Variants in ADAMTS9 observed in about 807,000 individuals in gnomAD.
ADAMTS9 encodes A disintegrin and metalloproteinase with thrombospondin motifs 9.
Under a neutral mutation model 257.1 loss-of-function variants are expected in ADAMTS9, and 107 were observed. That is an observed-to-expected ratio of 0.42 (90% CI 0.36 to 0.49). ADAMTS9 has a LOEUF of 0.49. Among genes scored for constraint, ADAMTS9 ranks in the 20% least tolerant of loss-of-function variants. The pLI is 0.03. For missense variants in ADAMTS9, 2,353 were observed against 2,469.1 expected (o/e 0.95, Z 1.00); for synonymous variants, 982 against 880.9 (o/e 1.11, Z -2.03).
chr3:64,560,154 T>C (rs1415581677), intron 30 of ADAMTS9, among the ~76,000 whole-genome samples: 1 of 152,206 alleles, frequency 6.6e-6, no homozygotes, highest in East Asian at 1.9e-4. Context: ...CAAGAATCCT[T>C]GTTCTAATTC....
intron 28 of ADAMTS9, among the ~76,000 whole-genome samples, chr3:64,570,354 G>C (rs1699239837): frequency 6.6e-6 from 1 of 152,164 alleles, no homozygotes; most frequent in Non-Finnish European, 1.5e-5. Context: ...GGAATGGTTG[G>C]AAGAGGGCTC....
chr3:64,537,847 C>A (rs1235974171), intron 37 of ADAMTS9, among the ~76,000 whole-genome samples: 6 of 152,226 alleles, frequency 3.9e-5, no homozygotes, highest in Non-Finnish European at 8.8e-5. Flanking sequence ...GTTTGTCCTG[C>A]CTTCCAAGGG....
At chr3:64,651,260 T>A (rs1041310017) in intron 8 of ADAMTS9, 97 bp from the exon 9 acceptor site, 3 of 1,074,130 alleles carry the variant, frequency 2.8e-6, no homozygotes, top group African/African-American at 1.7e-5. Flanking sequence ...GAGAAAAAAA[T>A]TTAACTTCAT....
chr3:64,558,771 CAA>C (rs1201956529), intron 30 of ADAMTS9, among the ~76,000 whole-genome samples: 1 of 152,096 alleles, frequency 6.6e-6, no homozygotes, highest in Admixed American at 6.6e-5. Context: ...CTCAAGCAAA[CAA>C]GAGTTCTGAG....
At chr3:64,674,320 G>A (rs1474311270) in intron 3 of ADAMTS9, among the ~76,000 whole-genome samples, 4 of 152,168 alleles carry the variant, frequency 2.6e-5, no homozygotes, top group Admixed American at 6.5e-5. Context: ...AGGGGAAAAT[G>A]AAAGGAAATC....
chr3:64,598,858 C>T (rs1301158402), intron 26 of ADAMTS9, among the ~76,000 whole-genome samples: 2 of 152,090 alleles, frequency 1.3e-5, no homozygotes, highest in Non-Finnish European at 2.9e-5. Flanking sequence ...ATGGCAGGCT[C>T]CTTGAGGAAA....
chr3:64,648,042 C>T lies in ADAMTS9; in HGVS notation c.1608G>A (p.Met536Ile), dbSNP rs760201297. 1 of 1,609,242 alleles carries T rather than the reference C, an allele frequency of 6.2e-7. No individual in the cohort carries two copies. The highest frequency in any genetic ancestry group is 8.5e-7 in the Non-Finnish European group (1 of 1,178,850). ...GPGSQVCPYM[M>I]QCRRLWCNNV... is the part of the protein sequence containing the mutation. ...TATTGCACCAGAGCCGTCTGCACTGCATCTGCTCAATTCAATGAAATGGCA... is the reference window on the plus strand; with the variant it reads ...TATTGCACCAGAGCCGTCTGCACTGTATCTGCTCAATTCAATGAAATGGCA... The change falls in exon 11 of 40, where the codon ATG becomes ATA. Residue 536 changes from methionine (M) to isoleucine (I), a missense_variant and splice_region_variant. Met to Ile is a conservative substitution (Grantham distance 10). Around this residue, in one of 3 missense-constraint regions of ADAMTS9, gnomAD observed 360 missense variants for 458.1 expected, o/e 0.79. Coordinates refer to ENST00000498707, the MANE Select transcript of ADAMTS9 (RefSeq NM_182920.2).
chr3:64,565,034 G>A (rs1006748338), intron 29 of ADAMTS9, among the ~76,000 whole-genome samples: 1 of 152,186 alleles, frequency 6.6e-6, no homozygotes, highest in South Asian at 2.1e-4. Context: ...CAGTGAGGGT[G>A]TGGGTGAGAG....
intron 28 of ADAMTS9, among the ~76,000 whole-genome samples, chr3:64,580,647 T>G (rs1311338755): frequency 6.6e-6 from 1 of 152,162 alleles, no homozygotes; most frequent in Non-Finnish European, 1.5e-5. Context: ...AGTCCAAATT[T>G]GAGTTTCTTT....
chr3:64,679,925 C>T (rs1701712486), intron 3 of ADAMTS9, among the ~76,000 whole-genome samples: 1 of 152,170 alleles, frequency 6.6e-6, no homozygotes, highest in South Asian at 2.1e-4. Flanking sequence ...AGTATACTTG[C>T]CCCTCTACTC....
chr3:64,650,862 G>A, intron 9 of ADAMTS9, 155 bp downstream of exon 9: 1 of 707,276 alleles, frequency 1.4e-6, no homozygotes, highest in East Asian at 3.1e-5. Context: ...ACAGATGTCA[G>A]AGAGCTTTTT....
chr3:64,617,272 G>A (rs182271238), intron 19 of ADAMTS9, among the ~76,000 whole-genome samples: 27 of 152,154 alleles, frequency 1.8e-4, no homozygotes, highest in Middle Eastern at 3.4e-3. Flanking sequence ...CTTTGCCTTC[G>A]TCACCATTTC....
rs1356248051 is a variant in ADAMTS9 at position 64,598,396 on chromosome 3, C to T, written c.4018-1405G>A. Reference sequence around the variant, plus strand: ...ACAGTGGTGCGATCACAGGTTACTACGGCCTCAACCTCTCAGCTCAAGCAA... The same window carrying T: ...ACAGTGGTGCGATCACAGGTTACTATGGCCTCAACCTCTCAGCTCAAGCAA... On this transcript the variant is annotated intron_variant, in intron 26 of 39. Transcript: ENST00000498707. Among the ~76,000 whole-genome samples the T allele has an allele frequency of 2.7e-5, 4 of 150,860 alleles. No homozygotes were observed. In the South Asian group the frequency reaches 6.3e-4, roughly 24 times the overall value.
At position 64,516,362 on chromosome 3, in the gene ADAMTS9, A is replaced by T. The variant is rs1483868302; in HGVS notation, c.*765T>A. 3 of 152,596 alleles carry T rather than the reference A, an allele frequency of 2.0e-5. No individual in the cohort carries two copies. Among genetic ancestry groups the T allele is most frequent in the Non-Finnish European group, 4.4e-5 (3 of 68,034 alleles). The allele number at this position is 152,596 out of a possible 1,614,324, so 9.5% of individuals were successfully genotyped here. ...AGCAACGAATATTAACAACACTAAC[A>T]ACAATAAGGATAAAGTCTAAGTCTC... On this transcript the variant is annotated 3_prime_UTR_variant, in exon 40 of 40. Coordinates refer to ENST00000498707, the MANE Select transcript of ADAMTS9 (RefSeq NM_182920.2).
intron 38 of ADAMTS9, among the ~76,000 whole-genome samples, chr3:64,529,379 A>G (rs1041150412): frequency 9.2e-5 from 14 of 152,178 alleles, no homozygotes; most frequent in Non-Finnish European, 1.9e-4. Context: ...GCTTGGGGAA[A>G]ACATTTTATT....
intron 28 of ADAMTS9, among the ~76,000 whole-genome samples, chr3:64,584,470 A>G (rs1268351188): frequency 1.3e-5 from 2 of 151,836 alleles, no homozygotes; most frequent in East Asian, 3.9e-4. Flanking sequence ...GCCACACCCC[A>G]CTCCCTTTTT....
intron 28 of ADAMTS9, chr3:64,590,017 C>A (rs931992875): frequency 6.6e-6 from 1 of 152,082 alleles, no homozygotes; most frequent in African/African-American, 2.4e-5. Context: ...CCATTTCTTC[C>A]AATCACCTTT....
intron 3 of ADAMTS9, among the ~76,000 whole-genome samples, chr3:64,674,283 ATGTAT>A (rs1701570441): frequency 6.6e-6 from 1 of 152,190 alleles, no homozygotes; most frequent in Admixed American, 6.5e-5. Flanking sequence ...AGAGAAAAAA[ATGTAT>A]AAACACCGAT....
At chr3:64,658,411 C>A in intron 4 of ADAMTS9, 91 bp downstream of exon 4, 1 of 1,345,174 alleles carries the variant, frequency 7.4e-7, no homozygotes, top group Non-Finnish European at 1.0e-6. Context: ...AATGCCAGTT[C>A]TGAATGGTCC....
Sources: allele counts gnomAD v4.1 joint callset (sites outside exome capture counted in the v4.1 genomes callset), GRCh38; gene constraint gnomAD v4.1.1; regional missense constraint gnomAD v4.1.1; transcripts MANE v1.5; gene names NCBI Gene and HGNC (gene_info 2026-07-23, HGNC 2026-07-21).